Variants in EIF3H observed in about 807,000 individuals in gnomAD.
The protein encoded by EIF3H is eukaryotic translation initiation factor 3 subunit H.
Under a neutral mutation model 44.2 loss-of-function variants are expected in EIF3H, and 26 were observed. The ratio of observed to expected loss-of-function variants is 0.59; its 90% CI spans 0.43 to 0.82. The LOEUF (loss-of-function observed/expected upper bound fraction) is 0.82. Among genes scored for constraint, EIF3H ranks in the 40% least tolerant of loss-of-function variants. EIF3H has a pLI of 0.00. For missense variants in EIF3H, 359 were observed against 432.8 expected (o/e 0.83, Z 1.51); for synonymous variants, 166 against 151.9 (o/e 1.09, Z -0.68).
At chr8:116,760,679 A>G (rs1815509655), upstream of EIF3H, among the ~76,000 whole-genome samples, 1 of 152,206 alleles carries the variant, frequency 6.6e-6, no homozygotes, top group Non-Finnish European at 1.5e-5. Flanking sequence ...TTAATACTTC[A>G]TATTGGTGTA....
chr8:116,701,638 T>C (rs1814376576), intron 2 of EIF3H, among the ~76,000 whole-genome samples: 1 of 152,212 alleles, frequency 6.6e-6, no homozygotes, highest in Non-Finnish European at 1.5e-5. Context: ...CCAATTCACT[T>C]GTATAATTCC....
intron 2 of EIF3H, among the ~76,000 whole-genome samples, chr8:116,660,046 C>G (rs960106693): frequency 6.6e-6 from 1 of 151,904 alleles, no homozygotes; most frequent in Admixed American, 6.6e-5. Flanking sequence ...ACCACCGCAC[C>G]CGGCTAATTT....
chr8:116,676,267 A>G (rs1222477543), intron 2 of EIF3H, among the ~76,000 whole-genome samples: 1 of 152,252 alleles, frequency 6.6e-6, no homozygotes, highest in Non-Finnish European at 1.5e-5. Flanking sequence ...AAGAACACGT[A>G]GTAGTCTGTT....
At chr8:116,647,742 T>C (rs1181436366) in intron 6 of EIF3H, among the ~76,000 whole-genome samples, 1 of 152,180 alleles carries the variant, frequency 6.6e-6, no homozygotes, top group Non-Finnish European at 1.5e-5. Flanking sequence ...TGAAGGAACG[T>C]AACTTGCTTT....
intron 2 of EIF3H, among the ~76,000 whole-genome samples, chr8:116,723,742 C>G (rs1363036754): frequency 6.6e-6 from 1 of 152,096 alleles, no homozygotes; most frequent in Non-Finnish European, 1.5e-5. Flanking sequence ...ACAATAGCAT[C>G]ACAAAGAATA....
chr8:116,672,546 C>A (rs1813774589), intron 2 of EIF3H, among the ~76,000 whole-genome samples: 1 of 152,030 alleles, frequency 6.6e-6, no homozygotes, highest in Non-Finnish European at 1.5e-5. Context: ...GGAAGGATCA[C>A]CTGGGTCCAG....
At chr8:116,720,843 T>C (rs1443006097) in intron 2 of EIF3H, among the ~76,000 whole-genome samples, 1 of 152,128 alleles carries the variant, frequency 6.6e-6, no homozygotes, top group African/African-American at 2.4e-5. Context: ...TTAGGGTATC[T>C]GGTGGAAAAA....
chr8:116,759,273 AGGCTGATGAG>A (rs937937468), upstream of EIF3H, among the ~76,000 whole-genome samples: 6 of 152,242 alleles, frequency 3.9e-5, no homozygotes, highest in Admixed American at 3.9e-4. Context: ...AAAAAGAGAG[AGGCTGATGAG>A]GGCCTTCCAA....
intron 1 of EIF3H, among the ~76,000 whole-genome samples, chr8:116,764,043 A>T (rs761548662): frequency 6.6e-6 from 1 of 152,200 alleles, no homozygotes; most frequent in Non-Finnish European, 1.5e-5. Context: ...ATAATATTAT[A>T]AAACTATATT....
At chr8:116,746,872 A>G (rs918866304) in intron 1 of EIF3H, among the ~76,000 whole-genome samples, 1 of 152,210 alleles carries the variant, frequency 6.6e-6, no homozygotes, top group Non-Finnish European at 1.5e-5. Flanking sequence ...TCACAGCAAA[A>G]AAAAACCTGA....
intron 2 of EIF3H, among the ~76,000 whole-genome samples, chr8:116,708,489 G>C (rs1260473293): frequency 1.3e-5 from 2 of 151,962 alleles, no homozygotes; most frequent in Non-Finnish European, 2.9e-5. Flanking sequence ...ATTAGTAAAA[G>C]TGCTGATATT....
At chr8:116,691,785 T>A (rs147322924) in intron 2 of EIF3H, among the ~76,000 whole-genome samples, 2 of 151,626 alleles carry the variant, frequency 1.3e-5, no homozygotes, top group African/African-American at 4.9e-5. Flanking sequence ...TGAAGCAGAA[T>A]TGCTTGAACC....
intron 1 of EIF3H, among the ~76,000 whole-genome samples, chr8:116,743,797 TAA>T (rs1491551070): frequency 1.2e-4 from 4 of 33,086 alleles, no homozygotes; most frequent in Non-Finnish European, 1.7e-4. Flanking sequence ...TATATATATA[TAA>T]ACACACACAC....
chr8:116,745,263 C>A (rs1332810309), intron 1 of EIF3H, among the ~76,000 whole-genome samples: 1 of 152,140 alleles, frequency 6.6e-6, no homozygotes, highest in Non-Finnish European at 1.5e-5. Flanking sequence ...TAACTATTAC[C>A]AACTATTAAA....
chr8:116,757,235 G>A (rs1305473297), upstream of EIF3H, among the ~76,000 whole-genome samples: 1 of 136,342 alleles, frequency 7.3e-6, no homozygotes, highest in East Asian at 2.0e-4. Flanking sequence ...AGTTCATGTG[G>A]GCCCTCTTTA....
At chr8:116,717,399 T>C (rs1814674618) in intron 2 of EIF3H, among the ~76,000 whole-genome samples, 1 of 151,784 alleles carries the variant, frequency 6.6e-6, no homozygotes, top group African/African-American at 2.4e-5. Context: ...GAAAAAACAA[T>C]CCTAAAATTC....
At chr8:116,650,304 T>G (rs1362267719) in intron 5 of EIF3H, among the ~76,000 whole-genome samples, 1 of 152,174 alleles carries the variant, frequency 6.6e-6, no homozygotes, top group Non-Finnish European at 1.5e-5. Flanking sequence ...ATACAGCTGC[T>G]GTGGAAAACA....
chr8:116,662,446 A>G (rs187509345), intron 2 of EIF3H, among the ~76,000 whole-genome samples: 39 of 152,318 alleles, frequency 2.6e-4, no homozygotes, highest in Admixed American at 7.8e-4. Context: ...GTGTTTGAAA[A>G]GAGCTCACTT....
chr8:116,714,319 G>A (rs764445912), intron 2 of EIF3H, among the ~76,000 whole-genome samples: 1 of 152,010 alleles, frequency 6.6e-6, no homozygotes, highest in Non-Finnish European at 1.5e-5. Context: ...AGTCATCCCC[G>A]AAAGGAATTA....
Sources: allele counts gnomAD v4.1 joint callset (sites outside exome capture counted in the v4.1 genomes callset), GRCh38; gene constraint gnomAD v4.1.1; transcripts MANE v1.5; gene names NCBI Gene and HGNC (gene_info 2026-07-23, HGNC 2026-07-21).